Variants in FHIT observed in about 807,000 individuals in gnomAD.
FHIT encodes the protein fragile histidine triad diadenosine triphosphatase.
In FHIT, 19 loss-of-function variants were observed where a neutral mutation model predicts 17.9. The ratio of observed to expected loss-of-function variants is 1.06; its 90% confidence interval spans 0.74 to 1.56. The LOEUF is 1.56. Ranked by LOEUF, FHIT falls within the 40% of genes most tolerant of loss-of-function variation. The pLI, the probability that FHIT is intolerant of heterozygous loss-of-function variation, is 0.00. For missense variants in FHIT, 248 were observed against 189.2 expected (o/e 1.31, Z -1.82); for synonymous variants, 81 against 69.7 (o/e 1.16, Z -0.81).
chr3:61,005,365 G>C (rs1400167925), intron 3 of FHIT, among the ~76,000 whole-genome samples: 1 of 152,108 alleles, frequency 6.6e-6, no homozygotes, highest in Non-Finnish European at 1.5e-5. Flanking sequence ...GAGATAGTCA[G>C]TAACTGCTAT....
intron 2 of FHIT, among the ~76,000 whole-genome samples, chr3:61,042,716 T>G (rs1391531247): frequency 6.6e-6 from 1 of 151,830 alleles, no homozygotes; most frequent in Non-Finnish European, 1.5e-5. Flanking sequence ...CGTGGGTACC[T>G]GTAATGCCAG....
chr3:60,802,368 C>T (rs115353110), intron 4 of FHIT, among the ~76,000 whole-genome samples: 1,625 of 152,286 alleles, frequency 0.011, 25 homozygotes, highest in African/African-American at 0.036. Context: ...CATGCATCCC[C>T]TATCAGATCC....
At chr3:60,312,722 C>T (rs1293987179) in intron 5 of FHIT, among the ~76,000 whole-genome samples, 1 of 152,026 alleles carries the variant, frequency 6.6e-6, no homozygotes. Flanking sequence ...TGAGGGAGGA[C>T]CTACTTTATT....
chr3:60,501,233 G>T (rs2034512750), intron 5 of FHIT, among the ~76,000 whole-genome samples: 1 of 152,136 alleles, frequency 6.6e-6, no homozygotes, highest in Admixed American at 6.5e-5. Context: ...ATGATCCAAG[G>T]AGCCAGATTT....
intron 1 of FHIT, among the ~76,000 whole-genome samples, chr3:61,206,032 C>T (rs2039218279): frequency 8.3e-6 from 1 of 120,106 alleles, no homozygotes; most frequent in Non-Finnish European, 1.8e-5. Flanking sequence ...CAGCTTTCTA[C>T]ATATGGCTGC....
At chr3:60,538,786 T>C (rs932925928) in intron 4 of FHIT, among the ~76,000 whole-genome samples, 4 of 152,120 alleles carry the variant, frequency 2.6e-5, no homozygotes, top group Admixed American at 1.3e-4. Flanking sequence ...ATACAAAAAG[T>C]AATTCAAGAT....
At chr3:61,022,054 G>A (rs1357471574) in intron 3 of FHIT, among the ~76,000 whole-genome samples, 1 of 152,164 alleles carries the variant, frequency 6.6e-6, no homozygotes, top group African/African-American at 2.4e-5. Flanking sequence ...AACGAATCCA[G>A]TAGCTGGGTT....
chr3:60,805,607 G>C (rs782555002), intron 4 of FHIT, among the ~76,000 whole-genome samples: 6 of 151,954 alleles, frequency 3.9e-5, no homozygotes, highest in Non-Finnish European at 8.8e-5. Context: ...CCAGGCTGGA[G>C]TGCAGTGGCG....
At chr3:60,399,903 G>A (rs766085927) in intron 5 of FHIT, among the ~76,000 whole-genome samples, 2 of 152,104 alleles carry the variant, frequency 1.3e-5, no homozygotes, top group Non-Finnish European at 2.9e-5. Flanking sequence ...CTTTACAGAG[G>A]ATGAGATTTC....
intron 2 of FHIT, among the ~76,000 whole-genome samples, chr3:61,168,694 G>A (rs1265053562): frequency 6.6e-6 from 1 of 152,194 alleles, no homozygotes; most frequent in African/African-American, 2.4e-5. Context: ...GTTTCAAGCT[G>A]TTTTTGTTGA....
At chr3:59,957,471 T>G (rs1707461399) in intron 7 of FHIT, among the ~76,000 whole-genome samples, 1 of 152,260 alleles carries the variant, frequency 6.6e-6, no homozygotes, top group Non-Finnish European at 1.5e-5. Flanking sequence ...GTAGCATTTT[T>G]GTTATATCTA....
chr3:59,920,290 T>A (rs1705339635), intron 8 of FHIT, among the ~76,000 whole-genome samples: 1 of 152,232 alleles, frequency 6.6e-6, no homozygotes, highest in Non-Finnish European at 1.5e-5. Context: ...CATAGTCTTG[T>A]ACCACAATTT....
chr3:60,888,090 A>G (rs868956930), intron 3 of FHIT, among the ~76,000 whole-genome samples: 7 of 152,184 alleles, frequency 4.6e-5, no homozygotes, highest in Non-Finnish European at 8.8e-5. Context: ...TCTGCTTCCC[A>G]GGTTATGAGC....
intron 5 of FHIT, among the ~76,000 whole-genome samples, chr3:60,051,497 C>T (rs1438375453): frequency 6.6e-6 from 1 of 152,028 alleles, no homozygotes; most frequent in Non-Finnish European, 1.5e-5. Context: ...CTACCTAGAA[C>T]AGGGACAGAG....
At chr3:60,885,927 T>G (rs1230091037) in intron 3 of FHIT, among the ~76,000 whole-genome samples, 3 of 149,772 alleles carry the variant, frequency 2.0e-5, no homozygotes, top group African/African-American at 7.5e-5. Context: ...CTTACCATAT[T>G]CATTTATTGG....
At chr3:60,840,696 C>T (rs1257489093) in intron 3 of FHIT, among the ~76,000 whole-genome samples, 1 of 152,116 alleles carries the variant, frequency 6.6e-6, no homozygotes, top group Non-Finnish European at 1.5e-5. Flanking sequence ...TTCTGTATTG[C>T]CTTGAGGGCT....
intron 4 of FHIT, among the ~76,000 whole-genome samples, chr3:60,621,290 A>T (rs1400777274): frequency 6.6e-6 from 1 of 151,726 alleles, no homozygotes; most frequent in Non-Finnish European, 1.5e-5. Context: ...CTGTGATTAC[A>T]GGTGCCCACG....
chr3:59,756,470 T>G (rs765390554), intron 8 of FHIT, among the ~76,000 whole-genome samples: 1 of 148,504 alleles, frequency 6.7e-6, no homozygotes, highest in Non-Finnish European at 1.5e-5. Flanking sequence ...AGGAGTATGG[T>G]TGCCAGATTT....
At chr3:60,431,977 G>C (rs75732759) in intron 5 of FHIT, among the ~76,000 whole-genome samples, 276 of 151,866 alleles carry the variant, frequency 1.8e-3, no homozygotes, top group African/African-American at 6.3e-3. Flanking sequence ...ATTTTTGTTT[G>C]CTTGGGTTTT....
Sources: allele counts gnomAD v4.1 joint callset (sites outside exome capture counted in the v4.1 genomes callset), GRCh38; gene constraint gnomAD v4.1.1; transcripts MANE v1.5; gene names NCBI Gene and HGNC (gene_info 2026-07-23, HGNC 2026-07-21).